The following BRCA2 variants were observed in gnomAD, a reference collection of about 807,000 sequenced individuals.
BRCA2 encodes breast cancer type 2 susceptibility protein.
A neutral mutation model predicts 276.7 loss-of-function variants in BRCA2; 203 were observed. The ratio of observed to expected loss-of-function variants is 0.73; its 90% CI spans 0.65 to 0.82. BRCA2 has a LOEUF of 0.82. BRCA2 is among the 40% of genes least tolerant of loss of function. The pLI, the probability that BRCA2 is intolerant of heterozygous loss-of-function variation, is 0.00. For missense variants in BRCA2, 3,920 were observed against 3,915.0 expected (o/e 1.00, Z -0.03); for synonymous variants, 1,289 against 1,338.4 (o/e 0.96, Z 0.81).
rs750805758 is a variant in BRCA2 at position 32,326,267 on chromosome 13, A to G, written c.501A>G (p.Thr167=). Residue 167 remains threonine, a synonymous_variant, in exon 6 of 27, where the codon ACA becomes ACG. Transcript: ENST00000380152. ...KSVVCGSLFH[T]PKFVKGRQTP... ...TGGTATGTGGGAGTTTGTTTCATAC[A>G]CCAAAGTTTGTGAAGGTAAATATTC... The G allele has an allele frequency of 6.2e-7, 1 of 1,613,482 alleles. No individual in the cohort carries two copies.
rs876660310 is a variant in BRCA2, at chr13:32,325,158, A to G, written c.399A>G (p.Pro133=). Residue 133 remains proline, a synonymous_variant, in exon 4 of 27, where the codon CCA becomes CCG. Coordinates refer to ENST00000380152, the MANE Select transcript of BRCA2 (RefSeq NM_000059.4). ...KMDQADDVSC[P]LLNSCLSESP... The stretch of plus-strand genomic sequence containing the variant: ...ATCAAGCAGATGATGTTTCCTGTCC[A>G]CTTCTAAATTCTTGTCTTAGTGAAA... 6.2e-7 allele frequency: 1 copy of G among 1,601,438 alleles called. No individual in the cohort carries two copies. The highest frequency in any genetic ancestry group is 1.7e-4 in the Middle Eastern group (1 of 6,038).
rs81002890 is a variant in BRCA2, at chr13:32,380,001, C to T, written c.9118-6C>T. On this transcript the variant is annotated splice_polypyrimidine_tract_variant and splice_region_variant and intron_variant, in intron 23 of 26. Transcript: ENST00000380152. ...ATATGTTGAATTTTTGTTTTGTTTT[C>T]TGTAGGTTTCAGATGAAATTTTATT... is the stretch of plus-strand genomic sequence containing the variant. The T allele has an allele frequency of 6.2e-7, 1 of 1,613,786 alleles. No homozygotes were observed. The highest frequency in any genetic ancestry group is 8.5e-7 in the Non-Finnish European group (1 of 1,179,878).
At position 32,356,497 on chromosome 13, in the gene BRCA2, G is replaced by A. The variant is rs56070345; in HGVS notation, c.7505G>A (p.Arg2502His). The A allele has an allele frequency of 4.5e-5, 72 of 1,614,174 alleles. No individual in the cohort carries two copies. The highest frequency in any genetic ancestry group is 2.6e-4 in the South Asian group (24 of 91,084). ...CGAATTAAGAAGAAACAAAGGCAAC[G>A]CGTCTTTCCACAGCCAGGCAGTCTG... ...DMRIKKKQRQRVFPQPGSLYL... is the reference protein window; with the variant it reads ...DMRIKKKQRQHVFPQPGSLYL... The change falls in exon 15 of 27, where the codon CGC becomes CAC. Residue 2502 changes from arginine to histidine, a missense_variant. Around this residue, in one of 2 missense-constraint regions of BRCA2, gnomAD observed 3,263 missense variants for 3,156.9 expected, o/e 1.03. Coordinates refer to ENST00000380152, the MANE Select transcript of BRCA2 (RefSeq NM_000059.4).
intron 21 of BRCA2, among the ~76,000 whole-genome samples, chr13:32,377,775 G>C (rs1433364032): frequency 2.0e-5 from 3 of 152,092 alleles, no homozygotes; most frequent in Non-Finnish European, 4.4e-5. Context: ...TCTAAGATTA[G>C]TTTGTTAGGG....
intron 15 of BRCA2, among the ~76,000 whole-genome samples, chr13:32,356,855 T>A (rs2072702372): frequency 6.6e-6 from 1 of 152,230 alleles, no homozygotes; most frequent in Non-Finnish European, 1.5e-5. Flanking sequence ...AAATCTTTCT[T>A]ATTTTGTCAT....
At chr13:32,359,222 G>GACAAAA in intron 16 of BRCA2, among the ~76,000 whole-genome samples, 1 of 107,430 alleles carries the variant, frequency 9.3e-6, no homozygotes, top group Non-Finnish European at 1.8e-5. Flanking sequence ...TCCATCTCAA[G>GACAAAA]AAAAAAAAAA....
At chr13:32,348,864 G>A (rs1185835426) in intron 13 of BRCA2, among the ~76,000 whole-genome samples, 1 of 152,140 alleles carries the variant, frequency 6.6e-6, no homozygotes, top group African/African-American at 2.4e-5. Flanking sequence ...GGAAGAGTTT[G>A]CCTTCAAGAT....
chr13:32,373,841 AGTTTCCCTCCCG>A (rs1410954213), intron 20 of BRCA2, among the ~76,000 whole-genome samples: 2 of 152,324 alleles, frequency 1.3e-5, no homozygotes, highest in African/African-American at 4.8e-5. Flanking sequence ...TTTCCCTCAC[AGTTTCCCTCCCG>A]GTTTCCCTCC....
intron 24 of BRCA2, among the ~76,000 whole-genome samples, chr13:32,393,371 A>C (rs1335609363): frequency 6.6e-6 from 1 of 152,166 alleles, no homozygotes; most frequent in Non-Finnish European, 1.5e-5. Flanking sequence ...CCTTTCCACC[A>C]ATGTATTTAT....
intron 20 of BRCA2, 111 bp from the exon 21 acceptor site, chr13:32,376,559 A>ATTTAT: frequency 8.5e-7 from 1 of 1,170,056 alleles, no homozygotes; most frequent in Non-Finnish European, 1.2e-6. Flanking sequence ...GCAGTTATAT[A>ATTTAT]GTTTCTTATC....
intron 3 of BRCA2, among the ~76,000 whole-genome samples, chr13:32,324,652 T>G (rs1448863596): frequency 6.6e-6 from 1 of 152,188 alleles, no homozygotes; most frequent in East Asian, 1.9e-4. Context: ...CTGCTTTTGT[T>G]TAAAGCGACA....
rs80359152 is a variant in BRCA2 at position 32,379,800 on chromosome 13, G to A, written c.9004G>A (p.Glu3002Lys). Residue 3002 changes from glutamate to lysine, a missense_variant, in exon 23 of 27, where the codon GAA (glutamate) becomes AAA (lysine). Coordinates refer to ENST00000380152, the MANE Select transcript of BRCA2 (RefSeq NM_000059.4). ...PSSDLYSLLT[E>K]GKRYRIYHLA... ...ATCAGATTTATATTCTCTGTTAACA[G>A]AAGGAAAGAGATACAGAATTTATCA... 3 of 1,612,358 alleles carry A rather than the reference G, an allele frequency of 1.9e-6. No individual in the cohort carries two copies. Among genetic ancestry groups the A allele is most frequent in the Non-Finnish European group, 2.5e-6 (3 of 1,178,456 alleles).
rs80358833 is a variant in BRCA2 at position 32,340,341 on chromosome 13, G to T, written c.5986G>T (p.Ala1996Ser). The T allele has an allele frequency of 1.9e-6, 3 of 1,613,970 alleles. No individual in the cohort carries two copies. The highest frequency in any genetic ancestry group is 1.7e-6 in the Non-Finnish European group (2 of 1,179,928). The change falls in exon 11 of 27, where the codon GCA becomes TCA. Residue 1996 changes from alanine to serine, a missense_variant. By Grantham distance (99) the Ala-to-Ser change is moderately conservative (BLOSUM62 1). Coordinates refer to ENST00000380152, the MANE Select transcript of BRCA2 (RefSeq NM_000059.4). ...GGTATCAGATGCTTCATTACAAAAC[G>T]CAAGACAAGTGTTTTCTGAAATAGA... ...VQVSDASLQN[A>S]RQVFSEIEDS... is the part of the protein sequence containing the mutation.
At chr13:32,332,167 T>C (rs1157356889) in intron 9 of BRCA2, 105 bp from the exon 10 acceptor site, 1 of 1,157,976 alleles carries the variant, frequency 8.6e-7, no homozygotes, top group African/African-American at 1.6e-5. Flanking sequence ...ATATGTAATA[T>C]TTAGCACATT....
At chr13:32,319,927 G>A (rs1438326146) in intron 3 of BRCA2, among the ~76,000 whole-genome samples, 1 of 152,148 alleles carries the variant, frequency 6.6e-6, no homozygotes, top group Non-Finnish European at 1.5e-5. Flanking sequence ...ATATAAAAAA[G>A]TATAATGAGA....
chr13:32,338,368 G>A lies in BRCA2; in HGVS notation c.4013G>A (p.Gly1338Asp), dbSNP rs2137502060. ...AATTCTCATAACTTAGAATTTGATG[G>A]CAGTGATTCAAGTAAAAATGATACT... ...SRNSHNLEFD[G>D]SDSSKNDTVC... The change falls in exon 11 of 27, where the codon GGC becomes GAC. Residue 1338 changes from glycine (G) to aspartate (D), a missense_variant. Physicochemically the swap from Gly to Asp is moderately conservative, Grantham distance 94 (BLOSUM62 -1). Around this residue, in one of 2 missense-constraint regions of BRCA2, gnomAD observed 3,263 missense variants for 3,156.9 expected, o/e 1.03. Coordinates refer to ENST00000380152, the MANE Select transcript of BRCA2 (RefSeq NM_000059.4). The A allele has an allele frequency of 6.3e-7, 1 of 1,588,338 alleles. No homozygotes were observed. Among genetic ancestry groups the A allele is most frequent in the Non-Finnish European group, 8.5e-7 (1 of 1,169,632 alleles).
chr13:32,325,547 T>G (rs940001597), intron 4 of BRCA2, among the ~76,000 whole-genome samples: 3 of 150,758 alleles, frequency 2.0e-5, no homozygotes, highest in Non-Finnish European at 4.4e-5. Flanking sequence ...ATTTTTTTTT[T>G]GTTTTTTTTT....
At chr13:32,345,810 G>T (rs574360756) in intron 12 of BRCA2, among the ~76,000 whole-genome samples, 1 of 152,054 alleles carries the variant, frequency 6.6e-6, no homozygotes, top group South Asian at 2.1e-4. Context: ...AATTTAAATT[G>T]TGATCCATCA....
At position 32,370,941 on chromosome 13, in the gene BRCA2, A is replaced by G. The variant is rs775192142; in HGVS notation, c.8488-15A>G. 1 of 1,613,982 alleles carries G rather than the reference A, an allele frequency of 6.2e-7. No individual in the cohort carries two copies. Among genetic ancestry groups the G allele is most frequent in the South Asian group, 1.1e-5 (1 of 91,078 alleles). On this transcript the variant is annotated splice_polypyrimidine_tract_variant and intron_variant, in intron 19 of 26. Transcript: ENST00000380152. Reference sequence around the variant, plus strand: ...TATATGTGACTTTTTTGGTGTGTGTAACACATTATTACAGTGGATGGAGAA... The same window carrying G: ...TATATGTGACTTTTTTGGTGTGTGTGACACATTATTACAGTGGATGGAGAA...
Sources: gnomAD v4.1 joint callset for allele counts (sites outside exome capture counted in the v4.1 genomes callset) on GRCh38, gnomAD v4.1.1 for gene constraint, gnomAD v4.1.1 regional missense constraint, MANE v1.5 for transcripts, NCBI Gene and HGNC (gene_info 2026-07-23, HGNC 2026-07-21) for gene names.